Variants in PTPRG observed in about 807,000 individuals in gnomAD.
The protein encoded by PTPRG is protein tyrosine phosphatase receptor type G, also known as receptor-type tyrosine-protein phosphatase gamma.
PTPRG carries 102 observed loss-of-function variants against 165.3 expected under a neutral mutation model. The observed-to-expected ratio is 0.62, with a 90% confidence interval of 0.53 to 0.73. The LOEUF (loss-of-function observed/expected upper bound fraction) is 0.73. Among genes scored for constraint, PTPRG ranks in the 30% least tolerant of loss-of-function variants. The pLI is 0.00. For synonymous variants in PTPRG, 675 were observed against 669.5 expected (o/e 1.01, Z -0.13); for missense variants, 1,866 against 1,861.4 (o/e 1.00, Z -0.05).
chr3:61,988,575 A>G (rs952196525), intron 2 of PTPRG, among the ~76,000 whole-genome samples: 1 of 152,210 alleles, frequency 6.6e-6, no homozygotes, highest in African/African-American at 2.4e-5. Flanking sequence ...ATCCCCACCC[A>G]TCTACCAGTA....
intron 2 of PTPRG, among the ~76,000 whole-genome samples, chr3:61,836,992 C>G (rs550180321): frequency 6.6e-6 from 1 of 152,118 alleles, no homozygotes; most frequent in Non-Finnish European, 1.5e-5. Context: ...CTTACTGCAG[C>G]CTTCACCTCC....
intron 3 of PTPRG, among the ~76,000 whole-genome samples, chr3:61,990,916 T>TTTA (rs55973921): frequency 6.6e-6 from 1 of 151,484 alleles, no homozygotes; most frequent in African/African-American, 2.4e-5. Context: ...TTTTTTTTTT[T>TTTA]AAATAACCTA....
rs778994257 is a variant in PTPRG, at chr3:62,281,537, G to GTTTTTTTTTTTTTT, written c.3766-26_3766-25insTTTTTTTTTTTTTT. On this transcript the variant is annotated intron_variant, in intron 26 of 29. Coordinates refer to ENST00000474889, the MANE Select transcript of PTPRG (RefSeq NM_002841.4). ...ACAAATCCTTGACAGAACTGCAGAG[G>GTTTTTTTTTTTTTT]CTTTTTTTTTTTTTGGATTCCAAAG... 26 of 175,006 alleles carry GTTTTTTTTTTTTTT rather than the reference G, an allele frequency of 1.5e-4. 4 individuals are homozygous for GTTTTTTTTTTTTTT. Among genetic ancestry groups the GTTTTTTTTTTTTTT allele is most frequent in the East Asian group, 4.3e-4 (1 of 2,308 alleles). The allele number at this position is 175,006 out of a possible 1,614,324, so 10.8% of individuals were successfully genotyped here.
chr3:61,797,294 A>G (rs1319451308), intron 2 of PTPRG, among the ~76,000 whole-genome samples: 3 of 152,230 alleles, frequency 2.0e-5, no homozygotes, highest in Non-Finnish European at 4.4e-5. Context: ...TCATTGAATA[A>G]TGTTTGAAAA....
At chr3:61,862,590 T>C (rs978599868) in intron 2 of PTPRG, among the ~76,000 whole-genome samples, 1 of 152,074 alleles carries the variant, frequency 6.6e-6, no homozygotes, top group Admixed American at 6.6e-5. Context: ...AGACGGGGTT[T>C]CTCCATGTTG....
chr3:62,214,218 C>A lies in PTPRG; in HGVS notation c.2156-4633C>A, dbSNP rs1700438903. 6.6e-6 allele frequency among the ~76,000 whole-genome samples: 1 copy of A among 152,148 alleles called. No homozygotes were observed. Among genetic ancestry groups the A allele is most frequent in the East Asian group, 1.9e-4 (1 of 5,182 alleles). ...GAGAGGAGTCAGATTCAGCAAACACCCGGTGAGTGCTCACCATCTCCTGCT... is the reference window on the plus strand; with the variant it reads ...GAGAGGAGTCAGATTCAGCAAACACACGGTGAGTGCTCACCATCTCCTGCT... On this transcript the variant is annotated intron_variant, in intron 12 of 29. Coordinates refer to ENST00000474889, the MANE Select transcript of PTPRG (RefSeq NM_002841.4). The surrounding 1 kb of genome is among the most constrained non-coding windows in gnomAD (Gnocchi z 5.2).
At chr3:61,675,975 G>GT (rs1338137800) in intron 1 of PTPRG, among the ~76,000 whole-genome samples, 3 of 152,128 alleles carry the variant, frequency 2.0e-5, no homozygotes, top group African/African-American at 7.2e-5. Flanking sequence ...TCTGTTCTCA[G>GT]TTTTTTCGAC....
intron 1 of PTPRG, among the ~76,000 whole-genome samples, chr3:61,665,272 A>C (rs2107042494): frequency 6.6e-6 from 1 of 152,318 alleles, no homozygotes; most frequent in East Asian, 1.9e-4. Context: ...CTCGCCTATC[A>C]GTATTTTCAC....
At chr3:62,101,706 T>G (rs4688284) in intron 5 of PTPRG, among the ~76,000 whole-genome samples, 13,955 of 152,278 alleles carry the variant, frequency 0.092, 759 homozygotes, top group South Asian at 0.13. Flanking sequence ...TCCAGATGTT[T>G]TAGTTTGGCC....
At chr3:62,087,634 A>G (rs2106785259) in intron 5 of PTPRG, among the ~76,000 whole-genome samples, 1 of 152,300 alleles carries the variant, frequency 6.6e-6, no homozygotes, top group East Asian at 1.9e-4. Flanking sequence ...TCAAAATTAC[A>G]CAGGCCACTA....
intron 3 of PTPRG, among the ~76,000 whole-genome samples, chr3:61,992,360 T>C (rs1455509166): frequency 6.6e-6 from 1 of 152,110 alleles, no homozygotes; most frequent in Non-Finnish European, 1.5e-5. Context: ...CTTCCTTCAT[T>C]TGGTAGGTCT....
Position 62,218,841 on chromosome 3 carries a change from C to A in PTPRG, c.2156-10C>A, listed in dbSNP as rs781068725. ...CTCTGTCCTCTAACTGGGATGATTT[C>A]TCTTGGCAGCGGAAAAAAACACCTC... is the stretch of plus-strand genomic sequence containing the variant. On this transcript the variant is annotated splice_polypyrimidine_tract_variant and intron_variant, in intron 12 of 29. Coordinates refer to ENST00000474889, the MANE Select transcript of PTPRG (RefSeq NM_002841.4). 1.1e-5 allele frequency: 17 copies of A among 1,611,244 alleles called. No homozygotes were observed. Among genetic ancestry groups the A allele is most frequent in the Non-Finnish European group, 1.4e-5 (17 of 1,178,642 alleles).
At chr3:61,953,488 G>A (rs536439187) in intron 2 of PTPRG, among the ~76,000 whole-genome samples, 1 of 152,290 alleles carries the variant, frequency 6.6e-6, no homozygotes, top group East Asian at 1.9e-4. Context: ...TGGATGCCGG[G>A]CAGCACTTCT....
At chr3:62,272,090 C>T (rs1288450376) in intron 21 of PTPRG, among the ~76,000 whole-genome samples, 4 of 150,358 alleles carry the variant, frequency 2.7e-5, no homozygotes, top group African/African-American at 9.8e-5. Flanking sequence ...AGAGCAAGAT[C>T]ATGACTCAAA....
intron 1 of PTPRG, among the ~76,000 whole-genome samples, chr3:61,587,104 TGTTA>T (rs1700452144): frequency 6.6e-6 from 1 of 152,362 alleles, no homozygotes; most frequent in East Asian, 1.9e-4. Context: ...ACAGTCTTGA[TGTTA>T]GTTTATTTGT....
At chr3:62,184,364 C>T (rs905949207) in intron 8 of PTPRG, among the ~76,000 whole-genome samples, 59 of 152,154 alleles carry the variant, frequency 3.9e-4, no homozygotes, top group African/African-American at 1.4e-3. Context: ...GGCAACACCC[C>T]AAGCACCAAG....
chr3:61,848,971 G>GT, intron 2 of PTPRG, among the ~76,000 whole-genome samples: 1 of 152,322 alleles, frequency 6.6e-6, no homozygotes, highest in South Asian at 2.1e-4. Flanking sequence ...CACAGCAAAA[G>GT]TTCCTTCCCG....
chr3:61,983,785 T>C (rs1383205115), intron 2 of PTPRG, among the ~76,000 whole-genome samples: 2 of 152,130 alleles, frequency 1.3e-5, no homozygotes, highest in East Asian at 3.9e-4. Flanking sequence ...TTTGCTTAAA[T>C]TGTAGAAAAT....
At chr3:61,838,056 C>T (rs1319958096) in intron 2 of PTPRG, among the ~76,000 whole-genome samples, 1 of 152,180 alleles carries the variant, frequency 6.6e-6, no homozygotes, top group Non-Finnish European at 1.5e-5. Context: ...AGGGCTTCAA[C>T]ATATGAATGT....
Sources: allele counts gnomAD v4.1 joint callset (sites outside exome capture counted in the v4.1 genomes callset), GRCh38; gene constraint gnomAD v4.1.1; non-coding constraint Gnocchi (gnomAD v3.1); transcripts MANE v1.5; gene names NCBI Gene and HGNC (gene_info 2026-07-23, HGNC 2026-07-21).